GSPT1: variants seen among roughly 807,000 people sequenced by gnomAD.
GSPT1 encodes the protein G1 to S phase transition 1.
A neutral mutation model predicts 72.5 loss-of-function variants in GSPT1; 20 were observed. The ratio of observed to expected loss-of-function variants is 0.28; its 90% CI spans 0.19 to 0.40. The LOEUF is 0.40. GSPT1 is among the 10% of genes least tolerant of loss of function. The pLI, the probability that GSPT1 is intolerant of heterozygous loss-of-function variation, is 1.00. For missense variants in GSPT1, 580 were observed against 811.9 expected, an observed-to-expected ratio of 0.71 and a Z score of 3.47; for synonymous variants, 334 against 293.5, an observed-to-expected ratio of 1.14 and a Z score of -1.41.
chr16:11,871,324 T>C lies in GSPT1; in HGVS notation c.*1795A>G, dbSNP rs2053976475. Reference sequence around the variant, plus strand: ...CCTCATGCCTGTAATCCCAGCACTTTTGAGAGGCTGAGGCGAGTGGATCAC... The same window carrying C: ...CCTCATGCCTGTAATCCCAGCACTTCTGAGAGGCTGAGGCGAGTGGATCAC... On this transcript the variant is annotated 3_prime_UTR_variant, in exon 15 of 15. Transcript: ENST00000434724. The C allele has an allele frequency of 6.6e-6, 1 of 152,192 alleles. No individual in the cohort carries two copies. The highest frequency in any genetic ancestry group is 1.5e-5 in the Non-Finnish European group (1 of 68,032). 9.4% of individuals were successfully genotyped at this position (152,192 alleles called of 1,614,324 possible). A position where few individuals can be genotyped will look rare whatever the true frequency, so the allele number is the denominator to read the frequency against.
At chr16:11,888,216 A>C (rs2054208682) in intron 6 of GSPT1, among the ~76,000 whole-genome samples, 1 of 152,198 alleles carries the variant, frequency 6.6e-6, no homozygotes, top group Non-Finnish European at 1.5e-5. Flanking sequence ...CTGTAATCCC[A>C]GCACTTTGGG....
At chr16:11,884,871 A>G (rs2054168018) in intron 10 of GSPT1, among the ~76,000 whole-genome samples, 1 of 151,958 alleles carries the variant, frequency 6.6e-6, no homozygotes, top group African/African-American at 2.4e-5. Context: ...GATCGAGACC[A>G]TCCTGGCTGA....
At chr16:11,915,223 C>T in intron 1 of GSPT1, 146 bp downstream of exon 1, 1 of 1,135,618 alleles carries the variant, frequency 8.8e-7, no homozygotes. Flanking sequence ...CTCCCGGGCT[C>T]GGGGCGCCCC....
In GSPT1 at chr16:11,876,124, G is replaced by A; in HGVS notation, c.1654C>T (p.Leu552=). Residue 552 remains leucine (L), a synonymous_variant, in exon 13 of 15, where the codon CTG becomes TTG. Coordinates refer to ENST00000434724, the MANE Select transcript of GSPT1 (RefSeq NM_002094.4). ...TCCTCAATACAGGTATGAATATGCA[G>A]CACCGCATTATAGCCTGGGCAGATG... is the stretch of plus-strand genomic sequence containing the variant. The part of the protein sequence containing the change: ...SIICPGYNAV[L]HIHTCIEEVE... 6.2e-7 allele frequency: 1 copy of A among 1,608,792 alleles called. No homozygotes were observed. The highest frequency in any genetic ancestry group is 1.7e-4 in the Middle Eastern group (1 of 6,060).
Position 11,915,481 on chromosome 16 carries a change from G to C in GSPT1, c.240C>G (p.Val80=), listed in dbSNP as rs767583968. 4 of 1,552,044 alleles carry C rather than the reference G, an allele frequency of 2.6e-6. No individual in the cohort carries two copies. In the East Asian group the frequency reaches 1.1e-4, roughly 41 times the overall value. The change falls in exon 1 of 15, where the codon GTC becomes GTG. Residue 80 remains valine, a synonymous_variant. Transcript: ENST00000434724. The part of the protein sequence containing the change: ...NVNAKPFVPN[V]HAAEFVPSFL... ...AGGACGGCACGAACTCGGCGGCGTG[G>C]ACGTTGGGCACGAAGGGCTTGGCGT...
intron 10 of GSPT1, among the ~76,000 whole-genome samples, chr16:11,883,915 A>AT (rs1363389347): frequency 2.0e-5 from 3 of 151,778 alleles, no homozygotes; most frequent in Non-Finnish European, 4.4e-5. Context: ...CCATCTCAAA[A>AT]AAAAAAAAAA....
rs73511686 is a variant in GSPT1 at position 11,897,713 on chromosome 16, A to G, written c.436+127T>C. 1.0e-3 allele frequency: 641 copies of G among 641,482 alleles called. 2 individuals carry two copies. In the African/African-American group the frequency reaches 0.011, roughly 11 times the overall value. 39.7% of individuals were successfully genotyped at this position (641,482 alleles called of 1,614,324 possible). A position where few individuals can be genotyped will look rare whatever the true frequency, so the allele number is the denominator to read the frequency against. ...TAGTTTGTTCTACTTTCTAAATACT[A>G]ATAGCAAAGACTCAATGTGTCTTAA... On this transcript the variant is annotated intron_variant, in intron 3 of 14. Coordinates refer to ENST00000434724, the MANE Select transcript of GSPT1 (RefSeq NM_002094.4).
chr16:11,892,809 G>A (rs1298926623), intron 5 of GSPT1, among the ~76,000 whole-genome samples: 4 of 113,402 alleles, frequency 3.5e-5, no homozygotes, highest in Non-Finnish European at 4.9e-5. Flanking sequence ...ACTCCAGCCT[G>A]GGCGATAGAG....
rs1400941526 is a variant in GSPT1 at position 11,871,630 on chromosome 16, T to G, written c.*1489A>C. 1 of 152,236 alleles carries G rather than the reference T, an allele frequency of 6.6e-6. No homozygotes were observed. The highest frequency in any genetic ancestry group is 1.5e-5 in the Non-Finnish European group (1 of 68,040). 9.4% of individuals were successfully genotyped at this position (152,236 alleles called of 1,614,324 possible). On this transcript the variant is annotated 3_prime_UTR_variant, in exon 15 of 15. Transcript: ENST00000434724. ...TCTGTGACTGGAAATACAGTCTGTC[T>G]AGGCTTTTCTTTTCTGAGGAGCAAA...
rs2053941290 is a variant in GSPT1 at position 11,868,356 on chromosome 16, C to T, written c.*4763G>A. ...ACAAACCTGATCAGTTCCCTTTAATCCTGTTTTTTTTTTTTTTTTTTAAAT... is the reference window on the plus strand; with the variant it reads ...ACAAACCTGATCAGTTCCCTTTAATTCTGTTTTTTTTTTTTTTTTTTAAAT... On this transcript the variant is annotated 3_prime_UTR_variant, in exon 15 of 15. Coordinates refer to ENST00000434724, the MANE Select transcript of GSPT1 (RefSeq NM_002094.4). 2 of 124,240 alleles carry T rather than the reference C, an allele frequency of 1.6e-5. No individual in the cohort carries two copies. Among genetic ancestry groups the T allele is most frequent in the Non-Finnish European group, 3.4e-5 (2 of 59,258 alleles). 7.7% of individuals were successfully genotyped at this position (124,240 alleles called of 1,614,324 possible).
At chr16:11,902,620 C>T (rs1289387205) in intron 1 of GSPT1, among the ~76,000 whole-genome samples, 2 of 150,638 alleles carry the variant, frequency 1.3e-5, no homozygotes, top group East Asian at 3.9e-4. Context: ...TGGAGTCTCG[C>T]TCTGTCGCCC....
Position 11,891,113 on chromosome 16 carries a change from CT to C in GSPT1, c.724del (p.Arg242GlyfsTer24). 2.7e-6 allele frequency: 4 copies of C among 1,503,336 alleles called. No individual in the cohort carries two copies. The highest frequency in any genetic ancestry group is 2.1e-5 in the Admixed American group (1 of 48,086). 93.1% of individuals were successfully genotyped at this position (1,503,336 alleles called of 1,614,324 possible). A position where few individuals can be genotyped will look rare whatever the true frequency, so the allele number is the denominator to read the frequency against. ...TTCTCTTTCATACTTTTCAAGCGTC[CT>C]TTTGTCAACCATTCCAGTCAAATAC... ...IMYLTGMVDK[R>X]TLEKYEREAK... On this transcript the variant is annotated frameshift_variant, in exon 6 of 15. Transcript: ENST00000434724. LOFTEE classifies it high-confidence loss of function.
At position 11,877,576 on chromosome 16, in the gene GSPT1, T is replaced by C. The variant is rs2054064226; in HGVS notation, c.1433A>G (p.Asn478Ser). 8 of 1,586,268 alleles carry C rather than the reference T, an allele frequency of 5.0e-6. No individual in the cohort carries two copies. The highest frequency in any genetic ancestry group is 6.8e-6 in the Non-Finnish European group (8 of 1,169,038). The change falls in exon 12 of 15, where the codon AAC (asparagine) becomes AGC (serine). Residue 478 changes from asparagine to serine, a missense_variant. Around this residue, in one of 6 missense-constraint regions of GSPT1, gnomAD observed 120 missense variants for 242.5 expected, o/e 0.49. Coordinates refer to ENST00000434724, the MANE Select transcript of GSPT1 (RefSeq NM_002094.4). This position sits in a 1 kb window ranked among gnomAD's most constrained non-coding sequence, Gnocchi z 4.0. ...QQLVMMPNKH[N>S]VEVLGILSDD... is the part of the protein sequence containing the mutation. Reference sequence around the variant, plus strand: ...GGAAAGTATTCCAAGAACTTCCACGTTGTGCTTTAAAAGAAAACAAGACTG... The same window carrying C: ...GGAAAGTATTCCAAGAACTTCCACGCTGTGCTTTAAAAGAAAACAAGACTG...
intron 4 of GSPT1, among the ~76,000 whole-genome samples, chr16:11,895,792 A>C (rs1175480996): frequency 6.6e-6 from 1 of 152,036 alleles, no homozygotes; most frequent in Non-Finnish European, 1.5e-5. Flanking sequence ...ACACCTGGCT[A>C]ATTTTTGTAT....
intron 1 of GSPT1, among the ~76,000 whole-genome samples, chr16:11,910,082 G>A (rs2054539242): frequency 6.6e-6 from 1 of 152,082 alleles, no homozygotes; most frequent in Non-Finnish European, 1.5e-5. Context: ...GGGTGACAAA[G>A]TAAGATCCCG....
chr16:11,879,144 C>T (rs1457923282), intron 11 of GSPT1, among the ~76,000 whole-genome samples: 6 of 151,276 alleles, frequency 4.0e-5, no homozygotes, highest in Admixed American at 2.6e-4. Context: ...CACCTGTAAT[C>T]CCAGCACTTT....
chr16:11,910,899 A>G (rs774367976), intron 1 of GSPT1, among the ~76,000 whole-genome samples: 10 of 152,220 alleles, frequency 6.6e-5, no homozygotes, highest in Non-Finnish European at 1.3e-4. Flanking sequence ...ACAGCCCTAG[A>G]TGATGCCTTC....
chr16:11,903,732 T>C (rs1025836426), intron 1 of GSPT1, among the ~76,000 whole-genome samples: 5 of 152,216 alleles, frequency 3.3e-5, no homozygotes, highest in Admixed American at 1.3e-4. Flanking sequence ...GAATTGCTGG[T>C]TGTACAACAC....
intron 1 of GSPT1, among the ~76,000 whole-genome samples, chr16:11,900,430 T>C (rs1317183594): frequency 1.3e-5 from 2 of 151,982 alleles, no homozygotes; most frequent in East Asian, 3.9e-4. Flanking sequence ...CCATATTGTG[T>C]AGGGAGTGGG....
Sources: allele counts gnomAD v4.1 joint callset (sites outside exome capture counted in the v4.1 genomes callset), GRCh38; gene constraint gnomAD v4.1.1; regional missense constraint gnomAD v4.1.1; non-coding constraint Gnocchi (gnomAD v3.1); transcripts MANE v1.5; gene names NCBI Gene and HGNC (gene_info 2026-07-23, HGNC 2026-07-21).